The following CELF2 variants were observed in gnomAD, a reference collection of about 807,000 sequenced individuals.
The protein encoded by CELF2 is CUG triplet repeat RNA-binding protein 2.
CELF2 carries 8 observed loss-of-function variants against 62.6 expected under a neutral mutation model. The observed-to-expected ratio is 0.13, with a 90% CI of 0.07 to 0.23. The LOEUF (loss-of-function observed/expected upper bound fraction) is 0.23, where lower values mean the gene tolerates loss of function less well. Ranked by LOEUF, CELF2 falls within the 10% of genes least tolerant of loss-of-function variation. The probability of loss-of-function intolerance (pLI) is 1.00; values close to 1 mark genes in which losing one functional copy is unlikely to be tolerated. For synonymous variants in CELF2, 258 were observed against 250.0 expected (o/e 1.03, Z -0.30); for missense variants, 333 against 671.0 (o/e 0.50, Z 5.56).
At chr10:10,604,016 C>T in the CELF2 span, among the ~76,000 whole-genome samples, 3 of 152,122 alleles carry the variant, frequency 2.0e-5, no homozygotes. Flanking sequence ...CGAGACCAGC[C>T]TAGCCAACAA....
In CELF2 at chr10:10,932,670, ATGTG is replaced by A. The variant is rs1264193230; in HGVS notation, c.89+12673_89+12676del. Among the ~76,000 whole-genome samples, 4 of 120,652 alleles carry A rather than the reference ATGTG, an allele frequency of 3.3e-5. No individual in the cohort carries two copies. The East Asian group carries it at 1.7e-3, about 51-fold the overall frequency. The allele number at this position is 120,652 out of a possible 152,430, so 79.2% of individuals were successfully genotyped here. A position where few individuals can be genotyped will look rare whatever the true frequency, so the allele number is the denominator to read the frequency against. On this transcript the variant is annotated intron_variant, in intron 2 of 13. Transcript: ENST00000636488. ...CTCTTACATGATAAAGTAAATATGT[ATGTG>A]TATGTGTGTGTGTGTGTGTGTATAT... is the stretch of plus-strand genomic sequence containing the variant.
At chr10:10,875,288 T>C (rs766791331) in intron 1 of CELF2, among the ~76,000 whole-genome samples, 18 of 152,252 alleles carry the variant, frequency 1.2e-4, no homozygotes, top group Non-Finnish European at 2.4e-4. Context: ...CTACATATGC[T>C]ATTTCTGCTC....
the CELF2 span, among the ~76,000 whole-genome samples, chr10:10,614,257 C>T: frequency 6.6e-6 from 1 of 152,010 alleles, no homozygotes; most frequent in Non-Finnish European, 1.5e-5. Flanking sequence ...TTTTATTACG[C>T]TCTTACATTG....
rs753208265 is a variant in CELF2 at position 11,009,317 on chromosome 10, TTG to T, written c.53+3896_53+3897del. ...CACAGAGATCGGACTAAGATGGAAG[TTG>T]TGTGTGTGTGTGTGTGTGCGCGTGT... On this transcript the variant is annotated intron_variant, in intron 1 of 12. Coordinates refer to the CELF2 transcript ENST00000416382. Among the ~76,000 whole-genome samples the T allele has an allele frequency of 1.5e-3, 206 of 133,636 alleles. 1 individual carries two copies. Among genetic ancestry groups the T allele is most frequent in the South Asian group, 4.9e-3 (23 of 4,654 alleles). The allele number at this position is 133,636 out of a possible 152,430, so 87.7% of individuals were successfully genotyped here. A position where few individuals can be genotyped will look rare whatever the true frequency, so the allele number is the denominator to read the frequency against.
At chr10:11,188,357 G>C (rs921230216) in intron 2 of CELF2, among the ~76,000 whole-genome samples, 1 of 152,134 alleles carries the variant, frequency 6.6e-6, no homozygotes, top group Non-Finnish European at 1.5e-5. Context: ...TGCCCACCTC[G>C]GCCTCCCAAA....
chr10:10,684,497 C>T, the CELF2 span, among the ~76,000 whole-genome samples: 1 of 152,096 alleles, frequency 6.6e-6, no homozygotes, highest in African/African-American at 2.4e-5. Context: ...AATCCCAGGA[C>T]TTTGAGAGGA....
intron 2 of CELF2, among the ~76,000 whole-genome samples, chr10:10,927,770 C>A (rs1208463970): frequency 3.3e-5 from 5 of 152,106 alleles, no homozygotes; most frequent in Non-Finnish European, 7.4e-5. Flanking sequence ...TCTCTCTTTC[C>A]AAGCCACCAT....
At chr10:11,256,738 G>A (rs765071657) in intron 4 of CELF2, among the ~76,000 whole-genome samples, 10 of 149,910 alleles carry the variant, frequency 6.7e-5, no homozygotes, top group South Asian at 2.1e-4. Flanking sequence ...TTTTAACCTC[G>A]TCTTTCGGGC....
At chr10:10,659,995 C>T in the CELF2 span, among the ~76,000 whole-genome samples, 1 of 151,974 alleles carries the variant, frequency 6.6e-6, no homozygotes, top group African/African-American at 2.4e-5. Flanking sequence ...GGAGATGTGA[C>T]AATAGAAGTT....
At chr10:11,034,391 G>C (rs143348293) in intron 1 of CELF2, among the ~76,000 whole-genome samples, 1 of 151,970 alleles carries the variant, frequency 6.6e-6, no homozygotes, top group African/African-American at 2.4e-5. Flanking sequence ...ATCCCTCCTA[G>C]ATGTGTTAAA....
chr10:10,541,516 A>C, the CELF2 span, among the ~76,000 whole-genome samples: 1 of 152,184 alleles, frequency 6.6e-6, no homozygotes, highest in Non-Finnish European at 1.5e-5. Context: ...CATGCTAAAC[A>C]AAGGGTGGGT....
rs116689694 is a variant in CELF2, at chr10:11,210,248, C to A, written c.272-7177C>A. On this transcript the variant is annotated intron_variant, in intron 2 of 12. Transcript: ENST00000633077. ...AGAGCTCAGTCATCAGATGATCAGTCTGGGGCTGCTTTCAAGTGTTTATGT... is the reference window on the plus strand; with the variant it reads ...AGAGCTCAGTCATCAGATGATCAGTATGGGGCTGCTTTCAAGTGTTTATGT... Among the ~76,000 whole-genome samples, 237 of 152,214 alleles carry A rather than the reference C, an allele frequency of 1.6e-3. 2 individuals carry two copies. Among genetic ancestry groups the A allele is most frequent in the African/African-American group, 4.7e-3 (196 of 41,518 alleles).
chr10:10,716,173 ATTC>A, the CELF2 span, among the ~76,000 whole-genome samples: 1 of 152,234 alleles, frequency 6.6e-6, no homozygotes, highest in Non-Finnish European at 1.5e-5. Flanking sequence ...GATCAATGAT[ATTC>A]TTCTGTTAAT....
the CELF2 span, among the ~76,000 whole-genome samples, chr10:10,744,705 A>G: frequency 6.6e-6 from 1 of 151,960 alleles, no homozygotes; most frequent in African/African-American, 2.4e-5. Context: ...GCAAGCATCC[A>G]TGGAGTATGT....
At chr10:10,575,359 G>A in the CELF2 span, among the ~76,000 whole-genome samples, 2 of 152,284 alleles carry the variant, frequency 1.3e-5, no homozygotes, top group African/African-American at 2.4e-5. Context: ...ATCAACCAAA[G>A]TTGTCCTTTG....
At position 11,271,735 on chromosome 10, in the gene CELF2, G is replaced by A. The variant is rs1252752905; in HGVS notation, c.777+911G>A. Among the ~76,000 whole-genome samples, 5 of 144,614 alleles carry A rather than the reference G, an allele frequency of 3.5e-5. No individual in the cohort carries two copies. In the East Asian group the frequency reaches 7.9e-4, roughly 23 times the overall value. 94.9% of individuals were successfully genotyped at this position (144,614 alleles called of 152,430 possible). On this transcript the variant is annotated intron_variant, in intron 7 of 12. Transcript: ENST00000633077. ...GGTGTCTCTGTGTGTGTGTGTGTGT[G>A]TACCCCATGTGTATTGGGTCTTCAT...
At chr10:10,792,066 G>GAGAGAGGGAGGAAGGAAGGAGGGAGGA in the CELF2 span, among the ~76,000 whole-genome samples, 1 of 144,000 alleles carries the variant, frequency 6.9e-6, no homozygotes, top group African/African-American at 2.6e-5. Flanking sequence ...AGGAAGGAGG[G>GAGAGAGGGAGGAAGGAAGGAGGGAGGA]AGGAAGGAGG....
intron 1 of CELF2, among the ~76,000 whole-genome samples, chr10:11,027,638 A>G (rs564665024): frequency 7.9e-5 from 12 of 152,318 alleles, no homozygotes; most frequent in Admixed American, 4.6e-4. Flanking sequence ...GGATTGTTCG[A>G]CTTGCCCTGT....
At position 11,283,419 on chromosome 10, in the gene CELF2, G is replaced by A. The variant is rs140850328; in HGVS notation, c.842-4999G>A. 1.6e-3 allele frequency among the ~76,000 whole-genome samples: 240 copies of A among 152,342 alleles called. 3 individuals are homozygous for A. In the East Asian group the frequency reaches 0.025, roughly 16 times the overall value. The stretch of plus-strand genomic sequence containing the variant: ...GTTGCACAGGGTCTAGCCCATCATG[G>A]CCACTCAGTAATTACTGGATGGTTG... On this transcript the variant is annotated intron_variant, in intron 8 of 12. Coordinates refer to ENST00000633077, the MANE Select transcript of CELF2 (RefSeq NM_001326342.2).
Sources: allele counts gnomAD v4.1 joint callset (sites outside exome capture counted in the v4.1 genomes callset), GRCh38; gene constraint gnomAD v4.1.1; transcripts MANE v1.5; gene names NCBI Gene and HGNC (gene_info 2026-07-23, HGNC 2026-07-21).